AP1M2: variants seen among roughly 807,000 people sequenced by gnomAD.
AP1M2 encodes the protein AP-1 complex subunit mu-2.
A neutral mutation model predicts 54.6 loss-of-function variants in AP1M2; 41 were observed. The ratio of observed to expected loss-of-function variants is 0.75; its 90% CI spans 0.59 to 0.97. The LOEUF is 0.97. AP1M2 is among the 50% of genes least tolerant of loss of function. AP1M2 has a pLI of 0.00. For missense variants in AP1M2, 507 were observed against 561.2 expected, an observed-to-expected ratio of 0.90 and a Z score of 0.98; for synonymous variants, 219 against 215.9, an observed-to-expected ratio of 1.01 and a Z score of -0.13.
intron 8 of AP1M2, among the ~76,000 whole-genome samples, chr19:10,577,885 T>C (rs1917300643): frequency 1.3e-5 from 2 of 151,956 alleles, no homozygotes; most frequent in South Asian, 4.2e-4. Context: ...TACAGGCATG[T>C]GCCACCACGC....
At chr19:10,586,453 TAAA>T (rs59380384) in intron 1 of AP1M2, among the ~76,000 whole-genome samples, 3 of 119,686 alleles carry the variant, frequency 2.5e-5, no homozygotes, top group African/African-American at 9.7e-5. Context: ...AGACTCTATT[TAAA>T]AAAAAAAAAA....
intron 3 of AP1M2, 189 bp downstream of exon 3, chr19:10,583,416 CT>C: frequency 2.2e-6 from 1 of 448,046 alleles, no homozygotes; most frequent in Non-Finnish European, 4.0e-6. Flanking sequence ...AGTAGGATTG[CT>C]TCAATCCAGA....
Position 10,573,061 on chromosome 19 carries a change from C to A in AP1M2, c.*5G>T. 1 of 1,563,804 alleles carries A rather than the reference C, an allele frequency of 6.4e-7. No homozygotes were observed. Among genetic ancestry groups the A allele is most frequent in the East Asian group, 2.4e-5 (1 of 41,966 alleles). On this transcript the variant is annotated 3_prime_UTR_variant, in exon 12 of 12. Coordinates refer to ENST00000250244, the MANE Select transcript of AP1M2 (RefSeq NM_005498.5). Reference sequence around the variant, plus strand: ...CCGTGTTCAAGCCCCCATCTCTTCTCCCTTCTAGCTGGTACGAAGTTGGTA... The same window carrying A: ...CCGTGTTCAAGCCCCCATCTCTTCTACCTTCTAGCTGGTACGAAGTTGGTA...
At chr19:10,574,649 C>G (rs969953126) in intron 10 of AP1M2, among the ~76,000 whole-genome samples, 157 bp from the exon 11 acceptor site, 1 of 152,008 alleles carries the variant, frequency 6.6e-6, no homozygotes, top group Non-Finnish European at 1.5e-5. Context: ...GCACAGGCAA[C>G]GGAATGGTGA....
At position 10,581,754 on chromosome 19, in the gene AP1M2, A is replaced by G. The variant is rs753387578; in HGVS notation, c.392T>C (p.Leu131Pro). The change falls in exon 4 of 12, where the codon CTG becomes CCG. Residue 131 changes from leucine to proline, a missense_variant. By Grantham distance (98) the Leu-to-Pro change is moderately conservative. Transcript: ENST00000250244. ...GFPQTTDSKI[L>P]QEYITQQSNK... Reference sequence around the variant, plus strand: ...CCTCCAGGGGTCCACTCACTCCTGCAGGATCTTGCTGTCGGTGGTCTGCGG... The same window carrying G: ...CCTCCAGGGGTCCACTCACTCCTGCGGGATCTTGCTGTCGGTGGTCTGCGG... 2.5e-6 allele frequency: 4 copies of G among 1,613,418 alleles called. No individual in the cohort carries two copies. The highest frequency in any genetic ancestry group is 3.4e-6 in the Non-Finnish European group (4 of 1,179,814).
intron 11 of AP1M2, among the ~76,000 whole-genome samples, chr19:10,573,784 C>T (rs1055700857): frequency 3.0e-4 from 45 of 151,136 alleles, no homozygotes; most frequent in African/African-American, 1.1e-3. Context: ...ACCTCAGCCT[C>T]CTGAGTTGCT....
chr19:10,578,916 G>T lies in AP1M2; in HGVS notation c.864C>A (p.His288Gln). 18 of 1,608,782 alleles carry T rather than the reference G, an allele frequency of 1.1e-5. No homozygotes were observed. The highest frequency in any genetic ancestry group is 1.4e-5 in the Non-Finnish European group (17 of 1,177,634). Reference sequence around the variant, plus strand: ...CCTTGACCATGATCTCCACGCGGCTGTGGGAGAACTTCTCAATGACAGACT... The same window carrying T: ...CCTTGACCATGATCTCCACGCGGCTTTGGGAGAACTTCTCAATGACAGACT... ...WIESVIEKFSHSRVEIMVKAK... is the reference protein window; with the variant it reads ...WIESVIEKFSQSRVEIMVKAK... Residue 288 changes from histidine (H) to glutamine (Q), a missense_variant, in exon 8 of 12, where the codon CAC becomes CAA. Coordinates refer to ENST00000250244, the MANE Select transcript of AP1M2 (RefSeq NM_005498.5).
intron 1 of AP1M2, chr19:10,584,935 A>C (rs1371346084): frequency 6.6e-6 from 1 of 151,828 alleles, no homozygotes; most frequent in African/African-American, 2.4e-5. Context: ...CAACAAAAAA[A>C]AAAAACAAAG....
intron 11 of AP1M2, 85 bp from the exon 12 acceptor site, chr19:10,573,173 C>G: frequency 7.5e-7 from 1 of 1,325,308 alleles, no homozygotes; most frequent in Non-Finnish European, 1.1e-6. Flanking sequence ...AATCCCAGCA[C>G]TTTGGGAGGT....
Position 10,577,246 on chromosome 19 carries a change from CT to C in AP1M2, c.998del (p.Lys333SerfsTer9). 6.2e-7 allele frequency: 1 copy of C among 1,613,192 alleles called. No individual in the cohort carries two copies. Among genetic ancestry groups the C allele is most frequent in the Admixed American group, 1.7e-5 (1 of 59,904 alleles). On this transcript the variant is annotated frameshift_variant, in exon 9 of 12. Coordinates refer to ENST00000250244, the MANE Select transcript of AP1M2 (RefSeq NM_005498.5). LOFTEE classifies it high-confidence loss of function. ...PRFKTSVGSA[K>X]YVPERNVVIW... ...TCACGACGTTTCTCTCCGGCACATA[CT>C]TGGCGCTGCCCACACTGGTCTTGAA...
rs1296409795 is a variant in AP1M2 at position 10,574,450 on chromosome 19, G to C, written c.1216C>G (p.Leu406Val). The C allele has an allele frequency of 6.4e-7, 1 of 1,563,560 alleles. No homozygotes were observed. Among genetic ancestry groups the C allele is most frequent in the Non-Finnish European group, 8.7e-7 (1 of 1,154,192 alleles). The change falls in exon 11 of 12, where the codon CTG (leucine) becomes GTG (valine). Residue 406 changes from leucine to valine, a missense_variant. Physicochemically the swap from Leu to Val is conservative, Grantham distance 32. Coordinates refer to ENST00000250244, the MANE Select transcript of AP1M2 (RefSeq NM_005498.5). Reference sequence around the variant, plus strand: ...TGGGTGATGTAGCGAACCCAGGGCAGGGCCTGGTAACCACTTTTCTCAATG... The same window carrying C: ...TGGGTGATGTAGCGAACCCAGGGCACGGCCTGGTAACCACTTTTCTCAATG... ...KIIEKSGYQA[L>V]PWVRYITQSG...
rs574645437 is a variant in AP1M2 at position 10,581,726 on chromosome 19, C to G, written c.398+22G>C. 1.6e-4 allele frequency: 263 copies of G among 1,612,420 alleles called. 5 individuals carry two copies. The Middle Eastern group carries it at 2.6e-3, about 16-fold the overall frequency. On this transcript the variant is annotated intron_variant, in intron 4 of 11. Coordinates refer to ENST00000250244, the MANE Select transcript of AP1M2 (RefSeq NM_005498.5). Reference sequence around the variant, plus strand: ...CTTACACCCACAGTCCAGCCCATGGCTGCCTCCAGGGGTCCACTCACTCCT... The same window carrying G: ...CTTACACCCACAGTCCAGCCCATGGGTGCCTCCAGGGGTCCACTCACTCCT...
chr19:10,585,290 A>AGAAAGAAAGAAG (rs1568434726), intron 1 of AP1M2, among the ~76,000 whole-genome samples: 4,311 of 82,642 alleles, frequency 0.052, 303 homozygotes, highest in Middle Eastern at 0.099. Flanking sequence ...AAAAAAAGAA[A>AGAAAGAAAGAAG]GAAAGAAAGA....
At chr19:10,574,814 C>T in intron 10 of AP1M2, 90 bp downstream of exon 10, 2 of 1,458,868 alleles carry the variant, frequency 1.4e-6, no homozygotes, top group Non-Finnish European at 9.1e-7. Flanking sequence ...TGACACAGGC[C>T]AGGGGACTGA....
intron 8 of AP1M2, 69 bp downstream of exon 8, chr19:10,578,823 A>T (rs571448800): frequency 1.6e-6 from 2 of 1,256,036 alleles, no homozygotes; most frequent in African/African-American, 3.0e-5. Flanking sequence ...AAGTGCTGGG[A>T]TTACAGGTGT....
chr19:10,581,466 C>T (rs761911613), intron 5 of AP1M2, 21 bp downstream of exon 5: 53 of 1,612,362 alleles, frequency 3.3e-5, no homozygotes, highest in African/African-American at 5.3e-5. Flanking sequence ...GAAGGGGTGC[C>T]GGGGAGGTGT....
chr19:10,574,253 C>G (rs1436073860), intron 11 of AP1M2, 164 bp downstream of exon 11: 9 of 560,550 alleles, frequency 1.6e-5, no homozygotes, highest in Non-Finnish European at 2.2e-5. Context: ...CTCCCGGCCT[C>G]AAGAGATCCA....
chr19:10,583,192 A>AG (rs764775342), intron 3 of AP1M2, among the ~76,000 whole-genome samples: 2 of 151,898 alleles, frequency 1.3e-5, no homozygotes, highest in Admixed American at 6.6e-5. Flanking sequence ...GTGAGGAAGC[A>AG]GGGAAGCTGG....
At position 10,577,251 on chromosome 19, in the gene AP1M2, C is replaced by T. The variant is rs752536355; in HGVS notation, c.994G>A (p.Ala332Thr). Residue 332 changes from alanine (A) to threonine (T), a missense_variant, in exon 9 of 12, where the codon GCC becomes ACC. Coordinates refer to ENST00000250244, the MANE Select transcript of AP1M2 (RefSeq NM_005498.5). ...SPRFKTSVGS[A>T]KYVPERNVVI... ...ACGTTTCTCTCCGGCACATACTTGG[C>T]GCTGCCCACACTGGTCTTGAATCTG... 5.0e-6 allele frequency: 8 copies of T among 1,613,220 alleles called. No individual in the cohort carries two copies. The highest frequency in any genetic ancestry group is 1.1e-5 in the South Asian group (1 of 90,874).
Sources: allele counts gnomAD v4.1 joint callset (sites outside exome capture counted in the v4.1 genomes callset), GRCh38; gene constraint gnomAD v4.1.1; transcripts MANE v1.5; gene names NCBI Gene and HGNC (gene_info 2026-07-23, HGNC 2026-07-21).